Variants in GRIA3 observed in about 807,000 individuals in gnomAD.
The protein encoded by GRIA3 is glutamate ionotropic receptor AMPA type subunit 3, also known as glutamate receptor 3.
Under a neutral mutation model 63.0 loss-of-function variants are expected in GRIA3, and 3 were observed. The ratio of observed to expected loss-of-function variants is 0.05; its 90% CI spans 0.02 to 0.12. The LOEUF is 0.12. Among genes scored for constraint, GRIA3 ranks in the 10% least tolerant of loss-of-function variants. The pLI, the probability that GRIA3 is intolerant of heterozygous loss-of-function variation, is 1.00. For missense variants in GRIA3, 347 were observed against 700.9 expected (o/e 0.50, Z 5.70); for synonymous variants, 274 against 257.9 (o/e 1.06, Z -0.60).
intron 3 of GRIA3, among the ~76,000 whole-genome samples, chrX:123,263,111 C>T (rs2044469497): frequency 8.9e-6 from 1 of 112,297 alleles, no homozygotes; most frequent in Admixed American, 9.4e-5. Context: ...CAATTTGCAA[C>T]AAAATCAACA....
At chrX:123,355,840 C>T (rs998564999) in intron 5 of GRIA3, among the ~76,000 whole-genome samples, 20 of 111,545 alleles carry the variant, frequency 1.8e-4, no homozygotes, top group African/African-American at 6.5e-4. Flanking sequence ...AAAGAAATAT[C>T]TAATATCTTA....
intron 5 of GRIA3, among the ~76,000 whole-genome samples, chrX:123,364,339 T>C (rs973355545): frequency 8.9e-6 from 1 of 111,738 alleles, no homozygotes; most frequent in Non-Finnish European, 1.9e-5. Context: ...CAGTCATCCA[T>C]ATGTACAATA....
chrX:123,385,315 G>T (rs141032144), intron 5 of GRIA3, among the ~76,000 whole-genome samples: 3 of 111,474 alleles, frequency 2.7e-5, no homozygotes, highest in African/African-American at 9.8e-5. Flanking sequence ...TTGTAGGTGT[G>T]CAACCTTATT....
At chrX:123,305,085 G>A (rs2044746727) in intron 3 of GRIA3, among the ~76,000 whole-genome samples, 1 of 111,935 alleles carries the variant, frequency 8.9e-6, no homozygotes, top group Non-Finnish European at 1.9e-5. Context: ...TCCCCAAGTA[G>A]AGCTAGCACC....
intron 2 of GRIA3, among the ~76,000 whole-genome samples, chrX:123,236,416 A>T (rs1385901811): frequency 9.0e-6 from 1 of 111,627 alleles, no homozygotes; most frequent in Admixed American, 9.5e-5. Context: ...GCAAAGAGGC[A>T]ACTAGGTCCC....
chrX:123,258,735 C>A (rs905000779), intron 3 of GRIA3, among the ~76,000 whole-genome samples: 1 of 111,599 alleles, frequency 9.0e-6, no homozygotes, highest in Non-Finnish European at 1.9e-5. Context: ...CAACTAGTCC[C>A]TACCTTCTTG....
chrX:123,390,492 T>A (rs778203326), intron 5 of GRIA3, among the ~76,000 whole-genome samples: 1 of 112,021 alleles, frequency 8.9e-6, no homozygotes, highest in South Asian at 3.7e-4. Context: ...GCCTATAACA[T>A]TTCTGCTGAG....
chrX:123,233,769 T>C (rs1015300244), intron 2 of GRIA3, among the ~76,000 whole-genome samples: 3 of 111,728 alleles, frequency 2.7e-5, no homozygotes, highest in African/African-American at 6.5e-5. Context: ...GATCTAGAAA[T>C]GAAAGAATGA....
At chrX:123,273,045 G>T (rs1170742337) in intron 3 of GRIA3, among the ~76,000 whole-genome samples, 4 of 111,598 alleles carry the variant, frequency 3.6e-5, no homozygotes, top group Admixed American at 1.9e-4. Flanking sequence ...CGGCCTTCCT[G>T]CTCTGAGCTC....
At chrX:123,276,276 G>T (rs1482627778) in intron 3 of GRIA3, among the ~76,000 whole-genome samples, 1 of 112,113 alleles carries the variant, frequency 8.9e-6, no homozygotes, top group African/African-American at 3.2e-5. Flanking sequence ...CAGTCACTCT[G>T]ATTCCTCTCC....
intron 11 of GRIA3, chrX:123,418,025 G>T: frequency 3.0e-6 from 1 of 335,166 alleles, no homozygotes; most frequent in Non-Finnish European, 5.1e-6. Flanking sequence ...TTTGAACTCT[G>T]GATAAAGGCA....
chrX:123,200,545 A>G (rs928451386), intron 2 of GRIA3, among the ~76,000 whole-genome samples: 18 of 107,687 alleles, frequency 1.7e-4, no homozygotes, highest in Non-Finnish European at 3.1e-4. Flanking sequence ...TATATTTTAT[A>G]TATATACATA....
chrX:123,379,855 C>G (rs2045311968), intron 5 of GRIA3, among the ~76,000 whole-genome samples: 1 of 96,392 alleles, frequency 1.0e-5, no homozygotes, highest in Non-Finnish European at 2.0e-5. Context: ...CATGTGTTCT[C>G]ATTGTTCAAT....
chrX:123,200,653 T>C (rs1210419434), intron 2 of GRIA3, among the ~76,000 whole-genome samples: 1 of 107,023 alleles, frequency 9.3e-6, no homozygotes, highest in African/African-American at 3.5e-5. Flanking sequence ...GCAACCATTA[T>C]ACAACTTTAT....
chrX:123,465,214 T>A, intron 13 of GRIA3, 102 bp downstream of exon 13: 1 of 838,833 alleles, frequency 1.2e-6, no homozygotes, highest in Non-Finnish European at 1.7e-6. Context: ...AGGTAACTTT[T>A]AAAAGTTTAA....
chrX:123,422,899 C>T (rs1212536913), intron 11 of GRIA3, among the ~76,000 whole-genome samples: 1 of 112,279 alleles, frequency 8.9e-6, no homozygotes, highest in Non-Finnish European at 1.9e-5. Flanking sequence ...CTTGAACTTG[C>T]TTTTGTTAAA....
chrX:123,208,968 T>C (rs1366288107), intron 2 of GRIA3, among the ~76,000 whole-genome samples: 1 of 112,216 alleles, frequency 8.9e-6, no homozygotes, highest in Non-Finnish European at 1.9e-5. Context: ...CATAATGCAA[T>C]GCATGCAACT....
intron 3 of GRIA3, among the ~76,000 whole-genome samples, chrX:123,306,177 C>T (rs2147318832): frequency 8.9e-6 from 1 of 112,070 alleles, no homozygotes; most frequent in African/African-American, 3.2e-5. Context: ...TTGGGTCTAC[C>T]TGGCTTATTG....
In GRIA3 at chrX:123,474,865, AC is replaced by A. The variant is rs1441157256; in HGVS notation, c.2325-5196del. 2.7e-5 allele frequency among the ~76,000 whole-genome samples: 3 copies of A among 111,427 alleles called. No homozygotes were observed. In the Admixed American group the frequency reaches 2.9e-4, roughly 11 times the overall value. Reference sequence around the variant, plus strand: ...AGGAACTGAGCCTGGAATCCAGGAGACCACCAGCTGGCAGGTGGAGGCCTTG... The same window carrying A: ...AGGAACTGAGCCTGGAATCCAGGAGACACCAGCTGGCAGGTGGAGGCCTTG... On this transcript the variant is annotated intron_variant, in intron 13 of 15. Coordinates refer to ENST00000620443, the MANE Select transcript of GRIA3 (RefSeq NM_007325.5).
Sources: gnomAD v4.1 joint callset for allele counts (sites outside exome capture counted in the v4.1 genomes callset) on GRCh38, gnomAD v4.1.1 for gene constraint, MANE v1.5 for transcripts, NCBI Gene and HGNC (gene_info 2026-07-23, HGNC 2026-07-21) for gene names.